Variants in PRKN observed in about 807,000 individuals in gnomAD.
PRKN encodes the protein parkin RBR E3 ubiquitin protein ligase, also known as E3 ubiquitin-protein ligase parkin.
Under a neutral mutation model 59.5 loss-of-function variants are expected in PRKN, and 56 were observed. The ratio of observed to expected loss-of-function variants is 0.94; its 90% CI spans 0.76 to 1.18. PRKN has a LOEUF of 1.18. Ranked by LOEUF, PRKN falls within the 50% of genes most tolerant of loss-of-function variation. The pLI, the probability that PRKN is intolerant of heterozygous loss-of-function variation, is 0.00. For missense variants in PRKN, 657 were observed against 596.4 expected (o/e 1.10, Z -1.06); for synonymous variants, 250 against 222.1 (o/e 1.13, Z -1.12).
At chr6:161,455,608 G>A (rs1452496387) in intron 9 of PRKN, among the ~76,000 whole-genome samples, 1 of 152,094 alleles carries the variant, frequency 6.6e-6, no homozygotes. Flanking sequence ...GCTCACGCCT[G>A]TAATCCCAGC....
At chr6:161,765,024 C>T (rs1260485946) in intron 7 of PRKN, among the ~76,000 whole-genome samples, 1 of 152,142 alleles carries the variant, frequency 6.6e-6, no homozygotes, top group Non-Finnish European at 1.5e-5. Flanking sequence ...TTGTAAAATG[C>T]CTTGGAGTGG....
chr6:161,880,801 C>T (rs1284858531), intron 6 of PRKN, among the ~76,000 whole-genome samples: 3 of 152,154 alleles, frequency 2.0e-5, no homozygotes, highest in Non-Finnish European at 1.5e-5. Flanking sequence ...AGGCAAGAAA[C>T]TTAATCTGTG....
intron 6 of PRKN, among the ~76,000 whole-genome samples, chr6:161,961,184 A>C (rs909078781): frequency 6.6e-6 from 1 of 152,174 alleles, no homozygotes; most frequent in Non-Finnish European, 1.5e-5. Flanking sequence ...GCAGTCTGGA[A>C]CACCACAAAG....
At chr6:162,082,282 C>T (rs1443500772) in intron 4 of PRKN, among the ~76,000 whole-genome samples, 1 of 152,050 alleles carries the variant, frequency 6.6e-6, no homozygotes, top group Non-Finnish European at 1.5e-5. Flanking sequence ...GATGTGCCTT[C>T]ACCTTCTGCC....
intron 7 of PRKN, among the ~76,000 whole-genome samples, chr6:161,680,146 A>T (rs9689649): frequency 6.6e-6 from 1 of 151,944 alleles, no homozygotes; most frequent in Non-Finnish European, 1.5e-5. Context: ...TTCTAAATAA[A>T]CTTTTCGATC....
chr6:161,753,407 A>G (rs888862263), intron 7 of PRKN, among the ~76,000 whole-genome samples: 7 of 152,112 alleles, frequency 4.6e-5, no homozygotes, highest in African/African-American at 1.7e-4. Context: ...AGTGGGATGG[A>G]GGGGAAAAAA....
intron 3 of PRKN, among the ~76,000 whole-genome samples, chr6:162,223,479 T>A (rs1778022749): frequency 8.1e-6 from 1 of 124,026 alleles, no homozygotes; most frequent in Non-Finnish European, 1.6e-5. Flanking sequence ...AACTCCTAGA[T>A]ATGCTTGTAA....
chr6:161,656,810 T>A (rs951345578), intron 7 of PRKN, among the ~76,000 whole-genome samples: 1 of 152,198 alleles, frequency 6.6e-6, no homozygotes, highest in African/African-American at 2.4e-5. Flanking sequence ...TATTGATTTG[T>A]TCTCATGTTT....
At chr6:162,579,884 T>C (rs781319826) in intron 1 of PRKN, among the ~76,000 whole-genome samples, 1 of 152,206 alleles carries the variant, frequency 6.6e-6, no homozygotes, top group African/African-American at 2.4e-5. Context: ...TGGAATGCCC[T>C]GTTTGCATGC....
intron 1 of PRKN, among the ~76,000 whole-genome samples, chr6:162,658,250 G>C (rs1400174898): frequency 6.6e-6 from 1 of 152,152 alleles, no homozygotes; most frequent in African/African-American, 2.4e-5. Flanking sequence ...TCTTTCTGTA[G>C]AGTCTAGCTC....
At chr6:161,809,555 C>T (rs763973544) in intron 6 of PRKN, among the ~76,000 whole-genome samples, 7 of 152,096 alleles carry the variant, frequency 4.6e-5, no homozygotes, top group Non-Finnish European at 7.4e-5. Flanking sequence ...TCCTGCGTAG[C>T]GAACTTTTTT....
chr6:162,369,937 G>A (rs1471816505), intron 2 of PRKN, among the ~76,000 whole-genome samples: 1 of 152,098 alleles, frequency 6.6e-6, no homozygotes, highest in Non-Finnish European at 1.5e-5. Flanking sequence ...CAGTGGAATC[G>A]GGGCAGTTTG....
chr6:162,588,009 T>C (rs1781134967), intron 1 of PRKN, among the ~76,000 whole-genome samples: 1 of 150,568 alleles, frequency 6.6e-6, no homozygotes, highest in Non-Finnish European at 1.5e-5. Flanking sequence ...AAGTGAGTTT[T>C]TGAGTTTTTT....
intron 2 of PRKN, among the ~76,000 whole-genome samples, chr6:162,380,925 A>G (rs1313663661): frequency 1.3e-5 from 2 of 152,108 alleles, no homozygotes; most frequent in Non-Finnish European, 2.9e-5. Flanking sequence ...TTGAGAAGCT[A>G]CAACAGCCAC....
At chr6:161,729,621 G>C (rs1173950518) in intron 7 of PRKN, among the ~76,000 whole-genome samples, 1 of 152,298 alleles carries the variant, frequency 6.6e-6, no homozygotes, top group Non-Finnish European at 1.5e-5. Flanking sequence ...TGAGATGTCT[G>C]ACTCAGATGT....
At chr6:161,406,920 C>A (rs1395390979) in intron 9 of PRKN, among the ~76,000 whole-genome samples, 2 of 152,126 alleles carry the variant, frequency 1.3e-5, no homozygotes, top group African/African-American at 4.8e-5. Flanking sequence ...AGGAGCGTCT[C>A]GGCACTGCTG....
chr6:162,232,455 G>A (rs1778463199), intron 3 of PRKN, among the ~76,000 whole-genome samples: 1 of 152,090 alleles, frequency 6.6e-6, no homozygotes, highest in Non-Finnish European at 1.5e-5. Context: ...ATATAGCTCA[G>A]TTTATCAAAT....
chr6:162,500,760 T>C (rs375421446), intron 1 of PRKN, among the ~76,000 whole-genome samples: 2 of 152,222 alleles, frequency 1.3e-5, no homozygotes, highest in African/African-American at 2.4e-5. Context: ...GCTATCTGTA[T>C]ATAACTTGAA....
intron 2 of PRKN, among the ~76,000 whole-genome samples, chr6:162,308,557 C>T (rs1471916857): frequency 6.6e-6 from 1 of 152,154 alleles, no homozygotes; most frequent in Non-Finnish European, 1.5e-5. Flanking sequence ...TGCTTCTGTT[C>T]TTTCTGTTTT....
Sources: allele counts gnomAD v4.1 joint callset (sites outside exome capture counted in the v4.1 genomes callset), GRCh38; gene constraint gnomAD v4.1.1; transcripts MANE v1.5; gene names NCBI Gene and HGNC (gene_info 2026-07-23, HGNC 2026-07-21).